Variants in EYS observed in about 807,000 individuals in gnomAD.
The protein encoded by EYS is EGF-like photoreceptor maintenance factor.
A neutral mutation model predicts 282.1 loss-of-function variants in EYS; 250 were observed. The observed-to-expected ratio is 0.89, with a 90% CI of 0.80 to 0.98. The LOEUF is 0.98. Ranked by LOEUF, EYS falls within the 50% of genes least tolerant of loss-of-function variation. EYS has a pLI of 0.00. For missense variants in EYS, 4,016 were observed against 3,709.0 expected, an observed-to-expected ratio of 1.08 and a Z score of -2.15; for synonymous variants, 1,355 against 1,282.9, an observed-to-expected ratio of 1.06 and a Z score of -1.20.
chr6:64,422,567 AG>A (rs1192068559), intron 28 of EYS, among the ~76,000 whole-genome samples: 1 of 152,224 alleles, frequency 6.6e-6, no homozygotes, highest in African/African-American at 2.4e-5. Context: ...AAGCCTCAAT[AG>A]GTTGAGTATA....
intron 2 of EYS, among the ~76,000 whole-genome samples, chr6:65,496,887 G>C (rs529967439): frequency 6.6e-6 from 1 of 152,022 alleles, no homozygotes; most frequent in African/African-American, 2.4e-5. Flanking sequence ...TTTATGGTAA[G>C]TCTAACATTT....
chr6:65,179,063 T>C (rs1175296440), intron 12 of EYS, among the ~76,000 whole-genome samples: 3 of 152,004 alleles, frequency 2.0e-5, no homozygotes, highest in African/African-American at 7.2e-5. Flanking sequence ...TTCAAAGCAA[T>C]GTGTAGAGGG....
At chr6:64,711,262 T>C (rs1392351082) in intron 22 of EYS, among the ~76,000 whole-genome samples, 2 of 152,178 alleles carry the variant, frequency 1.3e-5, no homozygotes, top group Non-Finnish European at 2.9e-5. Context: ...AACCTAGAAA[T>C]GCTTGTTTTT....
intron 12 of EYS, among the ~76,000 whole-genome samples, chr6:65,101,839 C>G (rs1390487928): frequency 6.6e-6 from 1 of 151,182 alleles, no homozygotes; most frequent in Non-Finnish European, 1.5e-5. Context: ...TGCTGACATT[C>G]CCCAGACAAT....
At chr6:65,262,046 A>G (rs1767636065) in intron 12 of EYS, among the ~76,000 whole-genome samples, 1 of 152,090 alleles carries the variant, frequency 6.6e-6, no homozygotes, top group Non-Finnish European at 1.5e-5. Context: ...AGAGAAAAGT[A>G]CACTGATCAT....
At chr6:65,134,416 TA>T (rs1333178655) in intron 12 of EYS, among the ~76,000 whole-genome samples, 1 of 151,916 alleles carries the variant, frequency 6.6e-6, no homozygotes. Context: ...CAGATAGCCT[TA>T]AAAAAATAAT....
At chr6:64,788,898 A>T (rs1038972457) in intron 22 of EYS, among the ~76,000 whole-genome samples, 2 of 152,056 alleles carry the variant, frequency 1.3e-5, no homozygotes, top group Admixed American at 6.6e-5. Flanking sequence ...GTGTTTGTGG[A>T]GTTTGTAGTG....
intron 12 of EYS, among the ~76,000 whole-genome samples, chr6:65,083,811 A>G (rs1317436271): frequency 1.3e-5 from 2 of 151,628 alleles, no homozygotes; most frequent in Non-Finnish European, 2.9e-5. Flanking sequence ...ACTTTTTTAT[A>G]TTTGTATAAT....
chr6:64,072,841 A>G (rs1020809593), intron 32 of EYS, among the ~76,000 whole-genome samples: 1 of 151,976 alleles, frequency 6.6e-6, no homozygotes, highest in Non-Finnish European at 1.5e-5. Context: ...AAAATAGGAT[A>G]TATAGTGTAG....
chr6:64,343,906 C>CT (rs1771246221), intron 29 of EYS, among the ~76,000 whole-genome samples: 1 of 151,860 alleles, frequency 6.6e-6, no homozygotes, highest in Non-Finnish European at 1.5e-5. Flanking sequence ...ATACAAACTA[C>CT]ATCAGAGAAT....
chr6:64,087,130 C>A (rs1014966353), intron 31 of EYS, among the ~76,000 whole-genome samples: 2 of 152,086 alleles, frequency 1.3e-5, no homozygotes, highest in Non-Finnish European at 2.9e-5. Flanking sequence ...AACTTGGAAA[C>A]TATTTGGATG....
intron 35 of EYS, among the ~76,000 whole-genome samples, chr6:63,945,161 A>G (rs968067587): frequency 2.0e-5 from 3 of 152,138 alleles, no homozygotes; most frequent in African/African-American, 7.2e-5. Context: ...AAAGAGGTTT[A>G]ATTGACTCAC....
chr6:65,648,485 C>A (rs796220686), intron 1 of EYS, among the ~76,000 whole-genome samples: 6 of 152,102 alleles, frequency 3.9e-5, no homozygotes, highest in African/African-American at 1.4e-4. Context: ...TGTTCTCATT[C>A]ATATGTGGGA....
intron 26 of EYS, among the ~76,000 whole-genome samples, chr6:64,585,695 TCAGCATTTTCTGGAGCA>T (rs1295563871): frequency 2.0e-5 from 3 of 152,104 alleles, no homozygotes; most frequent in African/African-American, 7.2e-5. Flanking sequence ...TTTCCTTTTA[TCAGCATTTTCTGGAGCA>T]ATATAACATT....
intron 33 of EYS, among the ~76,000 whole-genome samples, chr6:64,058,465 T>C (rs1200717034): frequency 2.6e-5 from 4 of 152,150 alleles, no homozygotes; most frequent in Non-Finnish European, 4.4e-5. Context: ...ACCATAATGA[T>C]AAATTCCAGT....
chr6:64,558,116 C>T (rs1765287887), intron 26 of EYS, among the ~76,000 whole-genome samples: 1 of 152,036 alleles, frequency 6.6e-6, no homozygotes, highest in Non-Finnish European at 1.5e-5. Flanking sequence ...TTAAGAGATG[C>T]AACCCTGAAA....
chr6:64,504,337 A>T (rs1777145979), intron 26 of EYS, among the ~76,000 whole-genome samples: 1 of 152,176 alleles, frequency 6.6e-6, no homozygotes, highest in Non-Finnish European at 1.5e-5. Flanking sequence ...TTTTAGGAAA[A>T]CTTACCAATG....
At chr6:65,323,820 C>CA (rs928915937) in intron 11 of EYS, among the ~76,000 whole-genome samples, 1 of 143,940 alleles carries the variant, frequency 6.9e-6, no homozygotes, top group African/African-American at 2.6e-5. Flanking sequence ...GTGAGCCTTT[C>CA]AAAAACATAA....
intron 29 of EYS, among the ~76,000 whole-genome samples, chr6:64,342,339 G>C (rs1771152811): frequency 6.6e-6 from 1 of 151,820 alleles, no homozygotes; most frequent in East Asian, 1.9e-4. Flanking sequence ...CCCACAAAGG[G>C]AAGCCCATCA....
Sources: allele counts gnomAD v4.1 joint callset (sites outside exome capture counted in the v4.1 genomes callset), GRCh38; gene constraint gnomAD v4.1.1; transcripts MANE v1.5; gene names NCBI Gene and HGNC (gene_info 2026-07-23, HGNC 2026-07-21).